TRAPPC9: variants seen among roughly 807,000 people sequenced by gnomAD.
The protein encoded by TRAPPC9 is trafficking protein particle complex subunit 9, also known as IKK2 binding protein.
Under a neutral mutation model 124.0 loss-of-function variants are expected in TRAPPC9, and 83 were observed. The ratio of observed to expected loss-of-function variants is 0.67; its 90% CI spans 0.56 to 0.80. The LOEUF (loss-of-function observed/expected upper bound fraction) is 0.80. Among genes scored for constraint, TRAPPC9 ranks in the 30% least tolerant of loss-of-function variants. TRAPPC9 has a pLI of 0.00. For missense variants in TRAPPC9, 1,302 were observed against 1,508.3 expected, an observed-to-expected ratio of 0.86 and a Z score of 2.27; for synonymous variants, 638 against 617.5, an observed-to-expected ratio of 1.03 and a Z score of -0.49.
intron 21 of TRAPPC9, among the ~76,000 whole-genome samples, chr8:139,877,828 G>A (rs1315698822): frequency 6.6e-6 from 1 of 152,170 alleles, no homozygotes; most frequent in Non-Finnish European, 1.5e-5. Flanking sequence ...TTACAAGAGG[G>A]AAACCCAAGT....
chr8:140,141,790 G>A (rs1040694382), intron 17 of TRAPPC9, among the ~76,000 whole-genome samples: 2 of 152,222 alleles, frequency 1.3e-5, no homozygotes, highest in South Asian at 2.1e-4. Context: ...CCCGGCGGGC[G>A]GCAGTGGCTA....
intron 19 of TRAPPC9, among the ~76,000 whole-genome samples, chr8:139,988,226 C>T (rs1300879735): frequency 1.3e-5 from 2 of 151,696 alleles, no homozygotes; most frequent in Non-Finnish European, 2.9e-5. Context: ...GATTCTCCTG[C>T]CTCAGCCTCC....
intron 21 of TRAPPC9, 79 bp downstream of exon 21, chr8:139,885,800 C>G (rs888722446): frequency 7.1e-7 from 1 of 1,400,184 alleles, no homozygotes; most frequent in Non-Finnish European, 9.9e-7. Context: ...CCCAGCCACA[C>G]CCCCCAAGAC....
intron 8 of TRAPPC9, among the ~76,000 whole-genome samples, chr8:140,368,920 G>A (rs879463832): frequency 3.3e-5 from 5 of 152,146 alleles, no homozygotes; most frequent in African/African-American, 4.8e-5. Context: ...AAATATCACA[G>A]TGTTCTCAGC....
chr8:140,071,507 A>G (rs1206558665), intron 17 of TRAPPC9, among the ~76,000 whole-genome samples: 1 of 152,182 alleles, frequency 6.6e-6, no homozygotes, highest in East Asian at 1.9e-4. Context: ...GCCCTGTGAT[A>G]CTGGAGGAAG....
intron 18 of TRAPPC9, among the ~76,000 whole-genome samples, chr8:140,020,251 T>C (rs1488716784): frequency 6.6e-6 from 1 of 152,216 alleles, no homozygotes; most frequent in African/African-American, 2.4e-5. Context: ...ATATCCACTC[T>C]ATTATTTCTT....
At chr8:140,312,640 G>T (rs1226964893) in intron 9 of TRAPPC9, among the ~76,000 whole-genome samples, 1 of 152,066 alleles carries the variant, frequency 6.6e-6, no homozygotes, top group Non-Finnish European at 1.5e-5. Flanking sequence ...CACTGAGGCT[G>T]GTGACCATAA....
intron 18 of TRAPPC9, among the ~76,000 whole-genome samples, chr8:140,018,328 T>TTTC (rs1168654010): frequency 7.5e-5 from 8 of 106,644 alleles, no homozygotes; most frequent in Non-Finnish European, 1.1e-4. Flanking sequence ...TAAGTGATTT[T>TTTC]TTTTTTTTTT....
At chr8:140,210,810 A>T (rs1345643782) in intron 17 of TRAPPC9, among the ~76,000 whole-genome samples, 1 of 152,174 alleles carries the variant, frequency 6.6e-6, no homozygotes. Flanking sequence ...AGCATGTCTT[A>T]TGCAAGCCTG....
At chr8:140,183,856 AAAAAAAAAG>A (rs1162034422) in intron 17 of TRAPPC9, among the ~76,000 whole-genome samples, 2 of 43,574 alleles carry the variant, frequency 4.6e-5, no homozygotes, top group African/African-American at 1.5e-4. Flanking sequence ...CTTTGTCAAA[AAAAAAAAAG>A]AAGAAGAAGA....
At chr8:139,858,270 C>T (rs550143736) in intron 21 of TRAPPC9, among the ~76,000 whole-genome samples, 52 of 152,310 alleles carry the variant, frequency 3.4e-4, no homozygotes, top group South Asian at 1.2e-3. Context: ...TTCTGACAAA[C>T]GTGTGTGACA....
chr8:139,822,845 C>A (rs560380936), intron 21 of TRAPPC9, among the ~76,000 whole-genome samples: 9 of 152,352 alleles, frequency 5.9e-5, no homozygotes, highest in African/African-American at 2.2e-4. Flanking sequence ...CACAATGTGT[C>A]ACCACTGTGG....
At chr8:140,447,662 G>A (rs62527781) in intron 2 of TRAPPC9, among the ~76,000 whole-genome samples, 13,063 of 152,132 alleles carry the variant, frequency 0.086, 616 homozygotes, top group African/African-American at 0.11. Context: ...TCCAGGTCCC[G>A]AAGGTAGAAT....
At chr8:140,412,609 G>A (rs998069908) in intron 5 of TRAPPC9, among the ~76,000 whole-genome samples, 1 of 152,018 alleles carries the variant, frequency 6.6e-6, no homozygotes, top group African/African-American at 2.4e-5. Flanking sequence ...CTGTCAAATC[G>A]CTCAAAAAAA....
intron 15 of TRAPPC9, among the ~76,000 whole-genome samples, chr8:140,259,357 T>C (rs550562808): frequency 6.6e-6 from 1 of 152,154 alleles, no homozygotes; most frequent in East Asian, 1.9e-4. Flanking sequence ...AAGCAGCTCA[T>C]TCTTCCACCA....
At chr8:139,928,151 T>C (rs1832918556) in intron 19 of TRAPPC9, among the ~76,000 whole-genome samples, 1 of 152,190 alleles carries the variant, frequency 6.6e-6, no homozygotes, top group Admixed American at 6.5e-5. Flanking sequence ...CCACCAAAAC[T>C]GTCTGGCTCT....
chr8:140,434,424 C>T (rs1376236204), intron 4 of TRAPPC9, among the ~76,000 whole-genome samples: 1 of 152,180 alleles, frequency 6.6e-6, no homozygotes, highest in Non-Finnish European at 1.5e-5. Context: ...TCAAACAACT[C>T]ATTGAGAGAA....
chr8:140,003,323 C>T (rs1838526066), intron 18 of TRAPPC9, among the ~76,000 whole-genome samples: 2 of 152,014 alleles, frequency 1.3e-5, no homozygotes, highest in African/African-American at 2.4e-5. Flanking sequence ...GCTTATAATC[C>T]CAGCACTTTG....
upstream of TRAPPC9, chr8:140,457,813 T>G: frequency 9.5e-7 from 1 of 1,050,208 alleles, no homozygotes; most frequent in Non-Finnish European, 1.2e-6. Flanking sequence ...CCGTCCCGGG[T>G]TTTGCAAGAG....
Sources: gnomAD v4.1 joint callset for allele counts (sites outside exome capture counted in the v4.1 genomes callset) on GRCh38, gnomAD v4.1.1 for gene constraint, MANE v1.5 for transcripts, NCBI Gene and HGNC (gene_info 2026-07-23, HGNC 2026-07-21) for gene names.